CTNNA2: variants seen among roughly 807,000 people sequenced by gnomAD.
The protein encoded by CTNNA2 is catenin alpha-2.
Under a neutral mutation model 101.0 loss-of-function variants are expected in CTNNA2, and 42 were observed. The ratio of observed to expected loss-of-function variants is 0.42; its 90% CI spans 0.32 to 0.54. The LOEUF (loss-of-function observed/expected upper bound fraction) is 0.54, where lower values mean the gene tolerates loss of function less well. CTNNA2 is among the 20% of genes least tolerant of loss of function. The pLI is 0.14. For synonymous variants in CTNNA2, 450 were observed against 456.4 expected, an observed-to-expected ratio of 0.99 and a Z score of 0.18; for missense variants, 871 against 1,223.1, an observed-to-expected ratio of 0.71 and a Z score of 4.29.
chr2:79,762,994 G>A lies in CTNNA2; in HGVS notation c.298+18412G>A, dbSNP rs575140497. On this transcript the variant is annotated intron_variant, in intron 3 of 18. Transcript: ENST00000402739. ...TTCAGAATTAGCTATTAGTTAACTA[G>A]AACTTTAACCCAAGTGCTCTTATCC... Among the ~76,000 whole-genome samples, 140 of 152,220 alleles carry A rather than the reference G, an allele frequency of 9.2e-4. 1 individual carries two copies. Among genetic ancestry groups the A allele is most frequent in the Non-Finnish European group, 1.7e-3 (114 of 68,000 alleles).
At chr2:80,610,971 T>G (rs1051443578) in intron 17 of CTNNA2, among the ~76,000 whole-genome samples, 1 of 150,868 alleles carries the variant, frequency 6.6e-6, no homozygotes, top group Non-Finnish European at 1.5e-5. Context: ...AACTGCTATC[T>G]AAGAAATACC....
rs183879305 is a variant in CTNNA2, at chr2:80,275,596, T to C, written c.1057-117615T>C. Among the ~76,000 whole-genome samples, 79 of 152,286 alleles carry C rather than the reference T, an allele frequency of 5.2e-4. 2 individuals are homozygous for C. The highest frequency in any genetic ancestry group is 1.8e-3 in the African/African-American group (75 of 41,580). On this transcript the variant is annotated intron_variant, in intron 7 of 18. Coordinates refer to ENST00000402739, the MANE Select transcript of CTNNA2 (RefSeq NM_001282597.3). ...AAAAAGGAGTTGTTGATATTGTTAA[T>C]TAATAAGTGATGAATTAGTGTGGAA... is the stretch of plus-strand genomic sequence containing the variant.
At chr2:79,709,105 C>G (rs1286466120) in intron 2 of CTNNA2, among the ~76,000 whole-genome samples, 1 of 152,148 alleles carries the variant, frequency 6.6e-6, no homozygotes, top group African/African-American at 2.4e-5. Flanking sequence ...TTACACATTA[C>G]AGCTGGGGCC....
At chr2:79,892,760 A>C (rs1026047127) in intron 6 of CTNNA2, among the ~76,000 whole-genome samples, 4 of 152,188 alleles carry the variant, frequency 2.6e-5, no homozygotes, top group African/African-American at 9.6e-5. Flanking sequence ...ATTGAGAAAG[A>C]TATTTGAGGC....
chr2:80,261,370 T>A (rs1479298405), intron 7 of CTNNA2, among the ~76,000 whole-genome samples: 1 of 151,968 alleles, frequency 6.6e-6, no homozygotes, highest in Non-Finnish European at 1.5e-5. Context: ...GCTTGCTGGC[T>A]TAGGTTGTAG....
intron 18 of CTNNA2, among the ~76,000 whole-genome samples, chr2:80,640,693 C>T (rs1235310163): frequency 6.6e-6 from 1 of 152,180 alleles, no homozygotes; most frequent in Non-Finnish European, 1.5e-5. Flanking sequence ...AAATGTTCTT[C>T]TTGGAGGATA....
chr2:79,705,418 G>A (rs1685291020), intron 2 of CTNNA2, among the ~76,000 whole-genome samples: 1 of 152,002 alleles, frequency 6.6e-6, no homozygotes, highest in South Asian at 2.1e-4. Context: ...GCATAATTTA[G>A]AAATTAAACT....
chr2:79,416,533 C>T (rs1426126391), intron 4 of CTNNA2, among the ~76,000 whole-genome samples: 12 of 151,942 alleles, frequency 7.9e-5, no homozygotes, highest in Admixed American at 5.9e-4. Context: ...TGGGCAAAAC[C>T]CCACATTCCA....
intron 7 of CTNNA2, among the ~76,000 whole-genome samples, chr2:80,083,771 A>G (rs1558792038): frequency 6.6e-6 from 1 of 152,206 alleles, no homozygotes; most frequent in East Asian, 1.9e-4. Flanking sequence ...CTTCTTTACC[A>G]AAGTCTACAC....
chr2:80,429,473 C>G (rs1681290039), intron 9 of CTNNA2, among the ~76,000 whole-genome samples: 1 of 152,142 alleles, frequency 6.6e-6, no homozygotes, highest in Non-Finnish European at 1.5e-5. Flanking sequence ...CACACTGCCC[C>G]CAGGCTCTTA....
At chr2:80,337,269 C>T (rs1406078762) in intron 7 of CTNNA2, among the ~76,000 whole-genome samples, 12 of 151,932 alleles carry the variant, frequency 7.9e-5, no homozygotes, top group African/African-American at 2.7e-4. Context: ...GCAGGGGAAT[C>T]GCTTGAACCT....
At chr2:79,516,983 C>T (rs919336132) in intron 1 of CTNNA2, among the ~76,000 whole-genome samples, 1 of 152,006 alleles carries the variant, frequency 6.6e-6, no homozygotes, top group African/African-American at 2.4e-5. Flanking sequence ...TACAAAAGCC[C>T]CTTTTCATTG....
chr2:80,189,896 G>A (rs1414604089), intron 7 of CTNNA2, among the ~76,000 whole-genome samples: 2 of 152,120 alleles, frequency 1.3e-5, no homozygotes, highest in African/African-American at 4.8e-5. Context: ...GTTTTGTTGT[G>A]TGTGTGTTTA....
chr2:80,481,966 C>T (rs1055835730), intron 9 of CTNNA2, among the ~76,000 whole-genome samples: 1 of 151,960 alleles, frequency 6.6e-6, no homozygotes, highest in African/African-American at 2.4e-5. Context: ...GTTTAGATGG[C>T]CATATCGGGG....
chr2:79,911,490 T>G lies in CTNNA2; in HGVS notation c.1056+1693T>G, dbSNP rs573946133. Among the ~76,000 whole-genome samples the G allele has an allele frequency of 2.0e-5, 3 of 152,344 alleles. No homozygotes were observed. In the South Asian group the frequency reaches 6.2e-4, roughly 32 times the overall value. On this transcript the variant is annotated intron_variant, in intron 7 of 18. Coordinates refer to ENST00000402739, the MANE Select transcript of CTNNA2 (RefSeq NM_001282597.3). ...GTTGATCAACACGTGACATGTAATTTTCAGTTTGGTGTCTAGAATCCTGCC... is the reference window on the plus strand; with the variant it reads ...GTTGATCAACACGTGACATGTAATTGTCAGTTTGGTGTCTAGAATCCTGCC...
chr2:79,621,052 T>TG (rs1678965060), intron 1 of CTNNA2, among the ~76,000 whole-genome samples: 1 of 152,118 alleles, frequency 6.6e-6, no homozygotes, highest in Non-Finnish European at 1.5e-5. Context: ...ATCACAGTGG[T>TG]GACCCTCATT....
intron 7 of CTNNA2, among the ~76,000 whole-genome samples, chr2:80,214,642 G>A (rs1447848140): frequency 6.6e-6 from 1 of 151,928 alleles, no homozygotes; most frequent in South Asian, 2.1e-4. Context: ...GGCTGTGATG[G>A]GCTTCTCTTT....
At chr2:80,576,722 G>A (rs1695078364) in intron 13 of CTNNA2, among the ~76,000 whole-genome samples, 1 of 146,728 alleles carries the variant, frequency 6.8e-6, no homozygotes, top group Admixed American at 7.0e-5. Flanking sequence ...GCCGAGGCAG[G>A]TGGATCACCT....
intron 4 of CTNNA2, 130 bp from the exon 5 acceptor site, chr2:79,869,683 TCTC>T (rs1362074902): frequency 8.1e-6 from 9 of 1,111,262 alleles, no homozygotes; most frequent in South Asian, 1.8e-5. Context: ...GAGGAACTCT[TCTC>T]CTATTTTTTC....
Sources: gnomAD v4.1 joint callset for allele counts (sites outside exome capture counted in the v4.1 genomes callset) on GRCh38, gnomAD v4.1.1 for gene constraint, MANE v1.5 for transcripts, NCBI Gene and HGNC (gene_info 2026-07-23, HGNC 2026-07-21) for gene names.